Variants in PPEF1 observed in about 807,000 individuals in gnomAD.
The protein encoded by PPEF1 is protein phosphatase with EF-hand domain 1.
Under a neutral mutation model 53.3 loss-of-function variants are expected in PPEF1, and 12 were observed. The ratio of observed to expected loss-of-function variants is 0.23; its 90% CI spans 0.14 to 0.36. PPEF1 has a LOEUF of 0.36. Among genes scored for constraint, PPEF1 ranks in the 10% least tolerant of loss-of-function variants. The pLI is 1.00. For missense variants in PPEF1, 334 were observed against 490.4 expected, an observed-to-expected ratio of 0.68 and a Z score of 3.01; for synonymous variants, 165 against 176.7, an observed-to-expected ratio of 0.93 and a Z score of 0.52.
intron 1 of PPEF1, among the ~76,000 whole-genome samples, chrX:18,684,343 C>T (rs749031188): frequency 3.2e-3 from 352 of 111,316 alleles, no homozygotes; most frequent in Non-Finnish European, 4.7e-3. Flanking sequence ...TGGGCCCGGT[C>T]TCCTTTCTCT....
chrX:18,725,725 G>A (rs1332648036), intron 1 of PPEF1, among the ~76,000 whole-genome samples: 2 of 111,770 alleles, frequency 1.8e-5, no homozygotes, highest in African/African-American at 3.3e-5. Context: ...GGGTACAGGC[G>A]TATGAGCATA....
At chrX:18,802,700 T>C (rs756070422) in intron 10 of PPEF1, among the ~76,000 whole-genome samples, 12 of 112,044 alleles carry the variant, frequency 1.1e-4, no homozygotes, top group Middle Eastern at 4.6e-3. Context: ...CTACTTTATG[T>C]CTTTGAACAT....
chrX:18,818,556 A>G (rs1383689055), intron 13 of PPEF1, among the ~76,000 whole-genome samples: 1 of 110,569 alleles, frequency 9.0e-6, no homozygotes, highest in African/African-American at 3.3e-5. Context: ...TTTTTAGTAG[A>G]GATGGGATTT....
chrX:18,677,825 C>G (rs772303667), intron 1 of PPEF1, among the ~76,000 whole-genome samples: 2 of 111,608 alleles, frequency 1.8e-5, no homozygotes, highest in South Asian at 7.5e-4. Context: ...CCTCTATTCA[C>G]TGGATGCGTG....
chrX:18,686,594 T>G (rs972674158), intron 3 of PPEF1, among the ~76,000 whole-genome samples: 1 of 110,634 alleles, frequency 9.0e-6, no homozygotes, highest in Non-Finnish European at 1.9e-5. Flanking sequence ...GCGCTTAGAG[T>G]TGGGGGCTGC....
chrX:18,768,913 G>A (rs1248979061), intron 6 of PPEF1, among the ~76,000 whole-genome samples: 2 of 112,275 alleles, frequency 1.8e-5, no homozygotes, highest in African/African-American at 6.5e-5. Context: ...AGACATTTCT[G>A]ACGATCTCTT....
intron 1 of PPEF1, among the ~76,000 whole-genome samples, chrX:18,729,824 A>T (rs2044794950): frequency 8.9e-6 from 1 of 112,332 alleles, no homozygotes. Context: ...AGCCATGCCA[A>T]AGGTAGGTGC....
chrX:18,681,986 C>T (rs761985162), upstream of PPEF1, among the ~76,000 whole-genome samples: 65 of 112,207 alleles, frequency 5.8e-4, no homozygotes, highest in African/African-American at 2.0e-3. Flanking sequence ...GGGGTTGTTA[C>T]GAAAGCATAA....
At chrX:18,681,393 C>T (rs939171070), upstream of PPEF1, among the ~76,000 whole-genome samples, 1 of 112,219 alleles carries the variant, frequency 8.9e-6, no homozygotes, top group Non-Finnish European at 1.9e-5. Flanking sequence ...TGTTGTATTA[C>T]GCAGAGTCTA....
chrX:18,820,586 T>C lies in PPEF1; in HGVS notation c.1501+2441T>C, dbSNP rs943177130. Among the ~76,000 whole-genome samples the C allele has an allele frequency of 3.6e-5, 4 of 110,669 alleles. No individual in the cohort carries two copies. The East Asian group carries it at 8.7e-4, about 24-fold the overall frequency. ...ATTTTTAGTAGAGGTGGGGTTTCAC[T>C]GTGTTAGCCAGAATGGTGTTGGTCT... On this transcript the variant is annotated intron_variant, in intron 13 of 15. Coordinates refer to ENST00000470157, the MANE Select transcript of PPEF1 (RefSeq NM_001377996.1).
rs1346408214 is a variant in PPEF1, at chrX:18,733,764, C to T, written c.191C>T (p.Ser64Phe). The T allele has an allele frequency of 8.4e-7, 1 of 1,191,705 alleles. No individual in the cohort carries two copies. The highest frequency in any genetic ancestry group is 1.1e-6 in the Non-Finnish European group (1 of 885,705). The change falls in exon 3 of 16, where the codon TCC (serine) becomes TTC (phenylalanine). Residue 64 changes from serine to phenylalanine, a missense_variant. By Grantham distance (155) the Ser-to-Phe change is radical (BLOSUM62 -2). Coordinates refer to ENST00000470157, the MANE Select transcript of PPEF1 (RefSeq NM_001377996.1). ...TTTGTCCAGTTATCCACCTTCTTTT[C>T]CTTCATGTTGGAAAACTACACACAT... ...QGQMQLSTFF[S>F]FMLENYTHIH... is the part of the protein sequence containing the mutation.
intron 10 of PPEF1, among the ~76,000 whole-genome samples, chrX:18,791,820 T>C (rs935307688): frequency 9.8e-5 from 11 of 112,307 alleles, no homozygotes; most frequent in Non-Finnish European, 2.1e-4. Flanking sequence ...TGTGTATTTG[T>C]TTGTAGTGGC....
At chrX:18,696,435 G>A (rs1003106963) in intron 4 of PPEF1, among the ~76,000 whole-genome samples, 1 of 109,751 alleles carries the variant, frequency 9.1e-6, no homozygotes, top group African/African-American at 3.3e-5. Flanking sequence ...TTACAGGTAT[G>A]AGCCACTGCC....
At chrX:18,742,556 G>A (rs1485797801) in intron 3 of PPEF1, among the ~76,000 whole-genome samples, 1 of 111,410 alleles carries the variant, frequency 9.0e-6, no homozygotes, top group Non-Finnish European at 1.9e-5. Flanking sequence ...TTGGTATTAG[G>A]TATTAACTTG....
chrX:18,681,455 G>A (rs1928881429), upstream of PPEF1, among the ~76,000 whole-genome samples: 1 of 111,630 alleles, frequency 9.0e-6, no homozygotes, highest in Non-Finnish European at 1.9e-5. Flanking sequence ...TGAAAACAAT[G>A]TGTCAGTGTT....
upstream of PPEF1, among the ~76,000 whole-genome samples, chrX:18,706,818 C>CTTTTTTTT (rs767459911): frequency 4.3e-5 from 2 of 46,299 alleles, no homozygotes; most frequent in Non-Finnish European, 8.2e-5. Flanking sequence ...TTCAAACCTC[C>CTTTTTTTT]TTTTTTTTTT....
chrX:18,782,253 G>C (rs1238863471), intron 7 of PPEF1, 113 bp from the exon 8 acceptor site: 1 of 609,943 alleles, frequency 1.6e-6, no homozygotes, highest in Non-Finnish European at 2.6e-6. Context: ...CTGAACTCTG[G>C]TTTCTTGAGT....
chrX:18,790,530 T>TAATC (rs1257984289), intron 10 of PPEF1, among the ~76,000 whole-genome samples: 3 of 111,253 alleles, frequency 2.7e-5, no homozygotes, highest in Non-Finnish European at 5.6e-5. Flanking sequence ...AGCTATTGCC[T>TAATC]AATCCAAAGT....
At chrX:18,748,712 A>G (rs1051573520) in intron 3 of PPEF1, among the ~76,000 whole-genome samples, 2 of 111,650 alleles carry the variant, frequency 1.8e-5, no homozygotes, top group African/African-American at 3.3e-5. Flanking sequence ...ATCGAGGACA[A>G]CCTTGGCTAG....
Sources: gnomAD v4.1 joint callset for allele counts (sites outside exome capture counted in the v4.1 genomes callset) on GRCh38, gnomAD v4.1.1 for gene constraint, MANE v1.5 for transcripts, NCBI Gene and HGNC (gene_info 2026-07-23, HGNC 2026-07-21) for gene names.